The following UBTD1 variants were observed in gnomAD, a reference collection of about 807,000 sequenced individuals.
The protein encoded by UBTD1 is ubiquitin domain containing 1, also known as ubiquitin domain-containing protein 1.
UBTD1 carries 19 observed loss-of-function variants against 21.7 expected under a neutral mutation model. The observed-to-expected ratio is 0.87, with a 90% CI of 0.61 to 1.28. The LOEUF (loss-of-function observed/expected upper bound fraction) is 1.28, where lower values mean the gene tolerates loss of function less well. Among genes scored for constraint, UBTD1 ranks in the 50% most tolerant of loss-of-function variants. The pLI, the probability that UBTD1 is intolerant of heterozygous loss-of-function variation, is 0.00. For missense variants in UBTD1, 282 were observed against 315.1 expected (o/e 0.89, Z 0.80); for synonymous variants, 116 against 135.1 (o/e 0.86, Z 0.98).
intron 1 of UBTD1, among the ~76,000 whole-genome samples, chr10:97,539,606 AAG>A (rs1033486707): frequency 2.6e-5 from 4 of 152,072 alleles, no homozygotes; most frequent in African/African-American, 9.7e-5. Flanking sequence ...AAAAAAAAAA[AAG>A]AAGTTTTGCT....
At chr10:97,536,582 G>A (rs932695112) in intron 1 of UBTD1, among the ~76,000 whole-genome samples, 1 of 152,194 alleles carries the variant, frequency 6.6e-6, no homozygotes, top group Non-Finnish European at 1.5e-5. Flanking sequence ...CTCGTAGGAG[G>A]CCAGTGGGCC....
chr10:97,505,630 T>G (rs1330900985), intron 1 of UBTD1, among the ~76,000 whole-genome samples: 1 of 152,238 alleles, frequency 6.6e-6, no homozygotes, highest in Non-Finnish European at 1.5e-5. Context: ...TGGTGGAAAA[T>G]GAAGCCTGGG....
intron 1 of UBTD1, among the ~76,000 whole-genome samples, chr10:97,549,333 T>G (rs1030110705): frequency 1.4e-4 from 21 of 152,200 alleles, no homozygotes; most frequent in African/African-American, 3.9e-4. Flanking sequence ...TGTTCCCCCT[T>G]TGCAGGGGTT....
At chr10:97,551,853 A>G (rs773029137) in intron 1 of UBTD1, among the ~76,000 whole-genome samples, 4 of 152,218 alleles carry the variant, frequency 2.6e-5, no homozygotes, top group Non-Finnish European at 5.9e-5. Context: ...AGAAGAAATC[A>G]TCGGTAACTG....
chr10:97,563,253 G>A (rs559018245), intron 1 of UBTD1, among the ~76,000 whole-genome samples: 4 of 152,288 alleles, frequency 2.6e-5, no homozygotes, highest in African/African-American at 4.8e-5. Flanking sequence ...TATTTGCTTG[G>A]TTGGCGAGTT....
intron 1 of UBTD1, among the ~76,000 whole-genome samples, chr10:97,554,745 G>C (rs2040656163): frequency 6.6e-6 from 1 of 151,984 alleles, no homozygotes; most frequent in Non-Finnish European, 1.5e-5. Context: ...AGAGACGAGT[G>C]GTCTTGCTTT....
intron 1 of UBTD1, among the ~76,000 whole-genome samples, chr10:97,531,838 G>A (rs73330769): frequency 0.018 from 2,712 of 152,268 alleles, 86 homozygotes; most frequent in African/African-American, 0.062. Flanking sequence ...AGGTGAGGGC[G>A]GAGCATGAGG....
chr10:97,540,691 A>G (rs1364224200), intron 1 of UBTD1, among the ~76,000 whole-genome samples: 1 of 152,216 alleles, frequency 6.6e-6, no homozygotes, highest in Non-Finnish European at 1.5e-5. Context: ...GTTCTCTCTC[A>G]GGTTTGGAAT....
At chr10:97,510,520 G>C (rs1217928378) in intron 1 of UBTD1, among the ~76,000 whole-genome samples, 1 of 152,152 alleles carries the variant, frequency 6.6e-6, no homozygotes, top group Non-Finnish European at 1.5e-5. Context: ...AGAATTAGAT[G>C]AATTACTGCA....
chr10:97,557,647 A>C (rs935623675), intron 1 of UBTD1, among the ~76,000 whole-genome samples: 12 of 152,096 alleles, frequency 7.9e-5, no homozygotes, highest in African/African-American at 2.9e-4. Flanking sequence ...ATCAAATTTT[A>C]AGGTTACATT....
At chr10:97,519,667 A>G (rs1818489121) in intron 1 of UBTD1, among the ~76,000 whole-genome samples, 1 of 152,166 alleles carries the variant, frequency 6.6e-6, no homozygotes, top group Non-Finnish European at 1.5e-5. Flanking sequence ...GGAAAAATAT[A>G]TTGTTTTTTA....
At chr10:97,506,380 G>T (rs1044408504) in intron 1 of UBTD1, among the ~76,000 whole-genome samples, 1 of 152,220 alleles carries the variant, frequency 6.6e-6, no homozygotes, top group African/African-American at 2.4e-5. Flanking sequence ...GTTCCCAGCT[G>T]TTGGGCTTTG....
intron 1 of UBTD1, among the ~76,000 whole-genome samples, chr10:97,561,142 A>G (rs1048907743): frequency 8.5e-5 from 13 of 152,088 alleles, no homozygotes; most frequent in African/African-American, 2.9e-4. Context: ...GGGGCCTGCT[A>G]CGTGCTGCTC....
chr10:97,570,619 C>G lies in UBTD1; in HGVS notation c.*96C>G. ...TGCTGTCATTTTCTTCAGGGGCCCT[C>G]CCCTCGGTGTGGCTGGTGGGTGAGC... On this transcript the variant is annotated 3_prime_UTR_variant, in exon 3 of 3. Transcript: ENST00000370664. This position sits in a 1 kb window ranked among gnomAD's most constrained non-coding sequence, Gnocchi z 6.6. 6.9e-7 allele frequency: 1 copy of G among 1,442,470 alleles called. No homozygotes were observed. Among genetic ancestry groups the G allele is most frequent in the Non-Finnish European group, 9.4e-7 (1 of 1,066,122 alleles). 89.4% of individuals were successfully genotyped at this position (1,442,470 alleles called of 1,614,324 possible). A position where few individuals can be genotyped will look rare whatever the true frequency, so the allele number is the denominator to read the frequency against.
chr10:97,530,548 T>C (rs978772718), intron 1 of UBTD1, among the ~76,000 whole-genome samples: 6 of 152,250 alleles, frequency 3.9e-5, no homozygotes, highest in South Asian at 2.1e-4. Flanking sequence ...TGAAGTGTTA[T>C]ATTTATTCTA....
chr10:97,558,798 C>T (rs1020013569), intron 1 of UBTD1, among the ~76,000 whole-genome samples: 2 of 152,066 alleles, frequency 1.3e-5, no homozygotes, highest in African/African-American at 2.4e-5. Flanking sequence ...GTATTCCTTG[C>T]GGGGCTTCGA....
intron 1 of UBTD1, among the ~76,000 whole-genome samples, chr10:97,523,852 G>A (rs11189254): frequency 0.035 from 5,278 of 152,136 alleles, 115 homozygotes; most frequent in East Asian, 0.077. Flanking sequence ...CTGAAGACCC[G>A]ACGTCCCTTG....
chr10:97,548,148 C>T (rs1348667686), intron 1 of UBTD1, among the ~76,000 whole-genome samples: 1 of 152,228 alleles, frequency 6.6e-6, no homozygotes, highest in Non-Finnish European at 1.5e-5. Flanking sequence ...CCCCCACTGT[C>T]CATCTCTGAA....
intron 1 of UBTD1, among the ~76,000 whole-genome samples, chr10:97,519,508 T>C (rs947435728): frequency 6.6e-6 from 1 of 152,212 alleles, no homozygotes; most frequent in Admixed American, 6.5e-5. Context: ...TTTCTGCTCT[T>C]TGTGGTAAAC....
Sources: allele counts gnomAD v4.1 joint callset (sites outside exome capture counted in the v4.1 genomes callset), GRCh38; gene constraint gnomAD v4.1.1; non-coding constraint Gnocchi (gnomAD v3.1); transcripts MANE v1.5; gene names NCBI Gene and HGNC (gene_info 2026-07-23, HGNC 2026-07-21).